PDGFB: variants seen among roughly 807,000 people sequenced by gnomAD.
PDGFB encodes platelet-derived growth factor subunit B.
A neutral mutation model predicts 29.0 loss-of-function variants in PDGFB; 6 were observed. That is an observed-to-expected ratio of 0.21 (90% CI 0.11 to 0.41). The LOEUF is 0.41. Ranked by LOEUF, PDGFB falls within the 10% of genes least tolerant of loss-of-function variation. The pLI, the probability that PDGFB is intolerant of heterozygous loss-of-function variation, is 1.00. For missense variants in PDGFB, 299 were observed against 341.8 expected (o/e 0.87, Z 0.99); for synonymous variants, 144 against 140.8 (o/e 1.02, Z -0.16).
At chr22:39,234,542 C>A (rs1243652464) in intron 2 of PDGFB, among the ~76,000 whole-genome samples, 1 of 152,248 alleles carries the variant, frequency 6.6e-6, no homozygotes, top group Non-Finnish European at 1.5e-5. Context: ...ACAAAGGCGC[C>A]TGCCGCCTGT....
rs1932263619 is a variant in PDGFB, at chr22:39,230,135, C to T, written c.550G>A (p.Ala184Thr). The change falls in exon 5 of 7, where the codon GCA (alanine) becomes ACA (threonine). Residue 184 changes from alanine (A) to threonine (T), a missense_variant. Transcript: ENST00000331163. The part of the protein sequence containing the change: ...DHLACKCETV[A>T]AARPVTRSPG... ...CTTCGGGTCACAGGCCGTGCAGCTG[C>T]CACTGTCTCACACTTGCATGCCAGG... 1.9e-6 allele frequency: 3 copies of T among 1,614,072 alleles called. No homozygotes were observed. The highest frequency in any genetic ancestry group is 2.2e-5 in the East Asian group (1 of 44,888).
chr22:39,235,715 C>G (rs985243019), intron 2 of PDGFB, 63 bp downstream of exon 2: 1 of 1,162,364 alleles, frequency 8.6e-7, no homozygotes, highest in Non-Finnish European at 1.3e-6. Flanking sequence ...TCCTGTCCTG[C>G]CCCTCCCAGA....
At chr22:39,236,835 G>C (rs569494041) in intron 1 of PDGFB, among the ~76,000 whole-genome samples, 1 of 152,336 alleles carries the variant, frequency 6.6e-6, no homozygotes, top group South Asian at 2.1e-4. Flanking sequence ...CACGTTCAAA[G>C]GCTGGAACCG....
chr22:39,242,214 C>T lies in PDGFB; in HGVS notation c.63+1687G>A, dbSNP rs1014599449. 1.4e-5 allele frequency: 3 copies of T among 214,702 alleles called. No individual in the cohort carries two copies. The highest frequency in any genetic ancestry group is 2.8e-5 in the Non-Finnish European group (3 of 106,224). The allele number at this position is 214,702 out of a possible 1,614,324, so 13.3% of individuals were successfully genotyped here. A position where few individuals can be genotyped will look rare whatever the true frequency, so the allele number is the denominator to read the frequency against. ...TGGCAGAGGCGGGCGCGCGACCTGG[C>T]CGCGGTAGTGCGTGCCCGTCGCTCT... On this transcript the variant is annotated intron_variant, in intron 1 of 6. Transcript: ENST00000331163. This position sits in a 1 kb window ranked among gnomAD's most constrained non-coding sequence, Gnocchi z 5.7.
chr22:39,238,393 T>C (rs1214223878), intron 1 of PDGFB, among the ~76,000 whole-genome samples: 2 of 152,012 alleles, frequency 1.3e-5, no homozygotes, highest in Non-Finnish European at 2.9e-5. Flanking sequence ...TCCCTGAAGA[T>C]GCTTTTGGTA....
intron 1 of PDGFB, among the ~76,000 whole-genome samples, chr22:39,239,724 G>A (rs1214640518): frequency 3.3e-5 from 5 of 152,320 alleles, no homozygotes; most frequent in South Asian, 2.1e-4. Context: ...AGCCTCCTCC[G>A]ACCCCGCCCC....
In PDGFB at chr22:39,242,250, C is replaced by G; in HGVS notation, c.63+1651G>C. ...CGTGCCCGTCGCTCTGCGCGCCCGC[C>G]CGCCGGAGCGCAGCATCGCCTCCGG... On this transcript the variant is annotated intron_variant, in intron 1 of 6. Transcript: ENST00000331163. This position sits in a 1 kb window ranked among gnomAD's most constrained non-coding sequence, Gnocchi z 5.7. 4.7e-6 allele frequency: 1 copy of G among 212,526 alleles called. No individual in the cohort carries two copies. Among genetic ancestry groups the G allele is most frequent in the Non-Finnish European group, 9.5e-6 (1 of 104,930 alleles). 13.2% of individuals were successfully genotyped at this position (212,526 alleles called of 1,614,324 possible). A position where few individuals can be genotyped will look rare whatever the true frequency, so the allele number is the denominator to read the frequency against.
At position 39,225,829 on chromosome 22, in the gene PDGFB, C is replaced by T. The variant is rs779029549; in HGVS notation, c.620G>A (p.Arg207Gln). Reference sequence around the variant, plus strand: ...GACTCGCACCGTCCGAATGGTCACCCGAGTTTGGGGCGTTTTGGCTGCACA... The same window carrying T: ...GACTCGCACCGTCCGAATGGTCACCTGAGTTTGGGGCGTTTTGGCTGCACA... ...QEQRAKTPQT[R>Q]VTIRTVRVRR... is the part of the protein sequence containing the mutation. Residue 207 changes from arginine (R) to glutamine (Q), a missense_variant, in exon 6 of 7, where the codon CGG becomes CAG. Transcript: ENST00000331163. 1.2e-5 allele frequency: 19 copies of T among 1,612,878 alleles called. No individual in the cohort carries two copies. Among genetic ancestry groups the T allele is most frequent in the East Asian group, 6.7e-5 (3 of 44,836 alleles).
intron 1 of PDGFB, chr22:39,240,918 T>TTC: frequency 1.5e-6 from 2 of 1,298,334 alleles, no homozygotes; most frequent in Non-Finnish European, 2.2e-6. Flanking sequence ...CTCTCTCAGA[T>TTC]GCGCACACAC....
chr22:39,225,591 A>G, intron 6 of PDGFB, 104 bp downstream of exon 6: 1 of 1,176,840 alleles, frequency 8.5e-7, no homozygotes, highest in Non-Finnish European at 1.2e-6. Context: ...CAAGGCTCAG[A>G]GGCTGGATTT....
intron 2 of PDGFB, among the ~76,000 whole-genome samples, chr22:39,234,169 G>C (rs539094304): frequency 7.2e-5 from 11 of 152,304 alleles, no homozygotes; most frequent in African/African-American, 2.6e-4. Flanking sequence ...CACCGTATCT[G>C]TATCTGTGTC....
intron 5 of PDGFB, among the ~76,000 whole-genome samples, chr22:39,229,125 A>G (rs1932237231): frequency 6.6e-6 from 1 of 152,182 alleles, no homozygotes; most frequent in Non-Finnish European, 1.5e-5. Flanking sequence ...GTCCCTAACA[A>G]TAGAAAGTTA....
At chr22:39,225,550 C>T (rs1038742833) in intron 6 of PDGFB, 145 bp downstream of exon 6, 12 of 766,630 alleles carry the variant, frequency 1.6e-5, no homozygotes, top group Non-Finnish European at 2.4e-5. Context: ...ACCACCCACC[C>T]TGCCCCAGCT....
Position 39,242,783 on chromosome 22 carries a change from C to A in PDGFB, c.63+1118G>T. 1 of 230,918 alleles carries A rather than the reference C, an allele frequency of 4.3e-6. No homozygotes were observed. Among genetic ancestry groups the A allele is most frequent in the Non-Finnish European group, 8.6e-6 (1 of 116,454 alleles). The allele number at this position is 230,918 out of a possible 1,614,324, so 14.3% of individuals were successfully genotyped here. On this transcript the variant is annotated intron_variant, in intron 1 of 6. Transcript: ENST00000331163. The surrounding 1 kb of genome is among the most constrained non-coding windows in gnomAD (Gnocchi z 5.7). ...GGAGGCCGCAGGGGCCGACCCTCCC[C>A]GGGAGCCGGCGAGGTGCGGGCGAGG...
At chr22:39,230,377 G>T (rs1339687205) in intron 4 of PDGFB, 149 bp from the exon 5 acceptor site, 13 of 737,256 alleles carry the variant, frequency 1.8e-5, no homozygotes, top group Admixed American at 2.5e-5. Flanking sequence ...AAAAGCTTTG[G>T]CCCAAACAAT....
Position 39,242,249 on chromosome 22 carries a change from C to T in PDGFB, c.63+1652G>A, listed in dbSNP as rs954259821. The T allele has an allele frequency of 2.4e-5, 5 of 211,942 alleles. No individual in the cohort carries two copies. The highest frequency in any genetic ancestry group is 3.8e-5 in the Non-Finnish European group (4 of 104,610). 13.1% of individuals were successfully genotyped at this position (211,942 alleles called of 1,614,324 possible). ...GCGTGCCCGTCGCTCTGCGCGCCCGCCCGCCGGAGCGCAGCATCGCCTCCG... is the reference window on the plus strand; with the variant it reads ...GCGTGCCCGTCGCTCTGCGCGCCCGTCCGCCGGAGCGCAGCATCGCCTCCG... On this transcript the variant is annotated intron_variant, in intron 1 of 6. Transcript: ENST00000331163. This position sits in a 1 kb window ranked among gnomAD's most constrained non-coding sequence, Gnocchi z 5.7.
Position 39,231,848 on chromosome 22 carries a change from G to A in PDGFB, c.251-21C>T. The A allele has an allele frequency of 6.2e-7, 1 of 1,604,632 alleles. No homozygotes were observed. The highest frequency in any genetic ancestry group is 1.1e-5 in the South Asian group (1 of 90,256). ...GGAACCTGGGAGGAGACGAAACCTG[G>A]GTCAGGAGCGTAGGCCTGTCCAGAG... On this transcript the variant is annotated intron_variant, in intron 3 of 6. Transcript: ENST00000331163. This position sits in a 1 kb window ranked among gnomAD's most constrained non-coding sequence, Gnocchi z 4.3.
At chr22:39,239,885 G>A (rs1351129202) in intron 1 of PDGFB, among the ~76,000 whole-genome samples, 4 of 151,990 alleles carry the variant, frequency 2.6e-5, no homozygotes, top group South Asian at 2.1e-4. Flanking sequence ...TCCCCGGCCC[G>A]CCTGCCATTC....
Position 39,234,987 on chromosome 22 carries a change from G to T in PDGFB, c.160+791C>A, listed in dbSNP as rs185132752. On this transcript the variant is annotated intron_variant, in intron 2 of 6. Transcript: ENST00000331163. ...GGCGAACAATAGGTGGGCCCAGCTG[G>T]GGCCCCCTCCTGCCTGCCTCACCGC... Among the ~76,000 whole-genome samples, 463 of 152,284 alleles carry T rather than the reference G, an allele frequency of 3.0e-3. 1 individual carries two copies. The highest frequency in any genetic ancestry group is 0.011 in the African/African-American group (446 of 41,566).
Sources: allele counts gnomAD v4.1 joint callset (sites outside exome capture counted in the v4.1 genomes callset), GRCh38; gene constraint gnomAD v4.1.1; non-coding constraint Gnocchi (gnomAD v3.1); transcripts MANE v1.5; gene names NCBI Gene and HGNC (gene_info 2026-07-23, HGNC 2026-07-21).